Variants in ANXA3 observed in about 807,000 individuals in gnomAD.
ANXA3 encodes annexin A3.
A neutral mutation model predicts 48.8 loss-of-function variants in ANXA3; 46 were observed. The ratio of observed to expected loss-of-function variants is 0.94; its 90% CI spans 0.74 to 1.21. The LOEUF (loss-of-function observed/expected upper bound fraction) is 1.21, where lower values mean the gene tolerates loss of function less well. Among genes scored for constraint, ANXA3 ranks in the 50% most tolerant of loss-of-function variants. ANXA3 has a pLI of 0.00. For missense variants in ANXA3, 383 were observed against 378.6 expected (o/e 1.01, Z -0.10); for synonymous variants, 128 against 134.7 (o/e 0.95, Z 0.35).
intron 10 of ANXA3, among the ~76,000 whole-genome samples, chr4:78,597,875 A>G (rs546408895): frequency 1.8e-4 from 27 of 152,202 alleles, no homozygotes; most frequent in Non-Finnish European, 4.4e-5. Flanking sequence ...CAGCCTCCCA[A>G]AGTGTTGGGA....
intron 12 of ANXA3, among the ~76,000 whole-genome samples, chr4:78,607,349 A>G (rs1723669336): frequency 1.3e-5 from 2 of 152,290 alleles, no homozygotes; most frequent in South Asian, 4.2e-4. Context: ...CATTTTGCAT[A>G]TCATCTCAGC....
At chr4:78,601,428 C>A in intron 10 of ANXA3, 82 bp from the exon 11 acceptor site, 2 of 1,344,652 alleles carry the variant, frequency 1.5e-6, no homozygotes, top group Non-Finnish European at 2.1e-6. Flanking sequence ...TCCAAAGAAT[C>A]TTTTTAAAAA....
At chr4:78,598,644 A>C (rs976632650) in intron 10 of ANXA3, among the ~76,000 whole-genome samples, 5 of 152,096 alleles carry the variant, frequency 3.3e-5, no homozygotes, top group Non-Finnish European at 5.9e-5. Context: ...GGTTCAAGCA[A>C]TTCTTGTGCC....
At chr4:78,593,113 CCACACACA>C (rs59972919) in intron 7 of ANXA3, among the ~76,000 whole-genome samples, 88 of 144,026 alleles carry the variant, frequency 6.1e-4, no homozygotes, top group African/African-American at 1.9e-3. Context: ...AACACACATA[CCACACACA>C]CACACACACA....
At chr4:78,558,541 G>A (rs145210389) in intron 2 of ANXA3, among the ~76,000 whole-genome samples, 27 of 152,238 alleles carry the variant, frequency 1.8e-4, no homozygotes, top group Non-Finnish European at 3.1e-4. Flanking sequence ...TTATTACAGT[G>A]GTATGATCAA....
chr4:78,600,505 G>A (rs1018307897), intron 10 of ANXA3, among the ~76,000 whole-genome samples: 32 of 152,156 alleles, frequency 2.1e-4, no homozygotes, highest in Non-Finnish European at 4.4e-4. Context: ...TACTTAATGT[G>A]AGTTTTACTA....
chr4:78,578,340 AGGGAGGGAGGGAAG>A (rs1196582846), intron 3 of ANXA3, among the ~76,000 whole-genome samples: 17 of 57,534 alleles, frequency 3.0e-4, no homozygotes, highest in East Asian at 1.7e-3. Flanking sequence ...AAAGGGAGGG[AGGGAGGGAGGGAAG>A]GAGGGAGAGA....
chr4:78,587,505 C>T lies in ANXA3; in HGVS notation c.403+1155C>T, dbSNP rs114678170. On this transcript the variant is annotated intron_variant, in intron 6 of 12. Coordinates refer to ENST00000264908, the MANE Select transcript of ANXA3 (RefSeq NM_005139.3). ...GGAATAAGACCAGCCCAATTCTCTA[C>T]TATTCAATGGCCCCATAGAACCCTC... 1.1e-3 allele frequency among the ~76,000 whole-genome samples: 168 copies of T among 152,316 alleles called. 2 individuals are homozygous for T. Among genetic ancestry groups the T allele is most frequent in the African/African-American group, 3.9e-3 (162 of 41,572 alleles).
chr4:78,597,417 A>AAG lies in ANXA3; in HGVS notation c.730+5_730+6dup. ...TGAAGACTTACTGTTGGCCATAGGT[A>AAG]AGACTTCGAGTGCTGGTAAACTAAG... On this transcript the variant is annotated splice_donor_region_variant and intron_variant, in intron 10 of 12. Transcript: ENST00000264908. The AAG allele has an allele frequency of 6.3e-7, 1 of 1,585,298 alleles. No individual in the cohort carries two copies. The highest frequency in any genetic ancestry group is 8.6e-7 in the Non-Finnish European group (1 of 1,157,126).
At position 78,591,578 on chromosome 4, in the gene ANXA3, C is replaced by T. The variant is rs140470799; in HGVS notation, c.438C>T (p.Ser146=). 1,870 of 1,613,486 alleles carry T rather than the reference C, an allele frequency of 1.2e-3. 8 individuals carry two copies. Among genetic ancestry groups the T allele is most frequent in the African/African-American group, 0.011 (822 of 74,974 alleles). ...AGAGTCTTGGAGATGACATTAGTTC[C>T]GAAACATCTGGTGACTTCCGGAAAG... ...YKKSLGDDIS[S]ETSGDFRKAL... is the part of the protein sequence containing the mutation. The change falls in exon 7 of 13, where the codon TCC becomes TCT. Residue 146 remains serine, a synonymous_variant. Coordinates refer to ENST00000264908, the MANE Select transcript of ANXA3 (RefSeq NM_005139.3).
chr4:78,595,907 T>C lies in ANXA3; in HGVS notation c.634+20T>C, dbSNP rs747747363. 7 of 1,433,328 alleles carry C rather than the reference T, an allele frequency of 4.9e-6. No homozygotes were observed. In the African/African-American group the frequency reaches 9.9e-5, roughly 20 times the overall value. 88.8% of individuals were successfully genotyped at this position (1,433,328 alleles called of 1,614,324 possible). On this transcript the variant is annotated intron_variant, in intron 9 of 12. Transcript: ENST00000264908. Reference sequence around the variant, plus strand: ...AACTAAGTACAAACTCACATTACAATCCTTTGTGTTGTATGTTGTTTTTAC... The same window carrying C: ...AACTAAGTACAAACTCACATTACAACCCTTTGTGTTGTATGTTGTTTTTAC...
intron 3 of ANXA3, among the ~76,000 whole-genome samples, chr4:78,574,663 T>C (rs1034631768): frequency 6.6e-6 from 1 of 152,240 alleles, no homozygotes; most frequent in South Asian, 2.1e-4. Context: ...CATTATGTTT[T>C]TGAGATTTAT....
chr4:78,595,919 T>C, intron 9 of ANXA3, 32 bp downstream of exon 9: 9 of 1,391,142 alleles, frequency 6.5e-6, no homozygotes, highest in Non-Finnish European at 9.1e-6. Flanking sequence ...CTTTGTGTTG[T>C]ATGTTGTTTT....
chr4:78,590,173 T>C (rs1387941969), intron 6 of ANXA3, among the ~76,000 whole-genome samples: 3 of 152,230 alleles, frequency 2.0e-5, no homozygotes, highest in Non-Finnish European at 4.4e-5. Context: ...GGATATTCAT[T>C]CTTCTACTTG....
At chr4:78,559,944 G>C (rs1722591445) in intron 2 of ANXA3, among the ~76,000 whole-genome samples, 1 of 152,020 alleles carries the variant, frequency 6.6e-6, no homozygotes, top group Non-Finnish European at 1.5e-5. Context: ...TGTATTTCTT[G>C]CCAAATAATA....
chr4:78,608,002 A>G (rs1298347098), intron 12 of ANXA3, among the ~76,000 whole-genome samples: 1 of 152,210 alleles, frequency 6.6e-6, no homozygotes, highest in Non-Finnish European at 1.5e-5. Flanking sequence ...TTGAGAAATA[A>G]AATCCAAGTA....
At chr4:78,608,821 A>G (rs1315908259) in intron 12 of ANXA3, among the ~76,000 whole-genome samples, 1 of 152,136 alleles carries the variant, frequency 6.6e-6, no homozygotes, top group East Asian at 1.9e-4. Context: ...GAGCCATGTA[A>G]GACATGTGGA....
At chr4:78,597,462 A>C (rs1427466527) in intron 10 of ANXA3, 48 bp downstream of exon 10, 1 of 1,297,748 alleles carries the variant, frequency 7.7e-7, no homozygotes, top group Non-Finnish European at 1.1e-6. Flanking sequence ...ACTTGCTTTA[A>C]CTCAGTGCCG....
chr4:78,589,487 C>T (rs1005890472), intron 6 of ANXA3, among the ~76,000 whole-genome samples: 1 of 152,220 alleles, frequency 6.6e-6, no homozygotes, highest in African/African-American at 2.4e-5. Context: ...CGGCAGCAGG[C>T]ATCCATTGCT....
Sources: allele counts gnomAD v4.1 joint callset (sites outside exome capture counted in the v4.1 genomes callset), GRCh38; gene constraint gnomAD v4.1.1; transcripts MANE v1.5; gene names NCBI Gene and HGNC (gene_info 2026-07-23, HGNC 2026-07-21).